TRIQK: variants seen among roughly 807,000 people sequenced by gnomAD.
TRIQK encodes triple QxxK/R motif containing, also known as triple QxxK/R motif-containing protein.
A neutral mutation model predicts 10.8 loss-of-function variants in TRIQK; 10 were observed. The observed-to-expected ratio is 0.92, with a 90% CI of 0.57 to 1.57. The LOEUF (loss-of-function observed/expected upper bound fraction) is 1.57, where lower values mean the gene tolerates loss of function less well. Ranked by LOEUF, TRIQK falls within the 40% of genes most tolerant of loss-of-function variation. The probability of loss-of-function intolerance (pLI) is 0.00; values close to 1 mark genes in which losing one functional copy is unlikely to be tolerated. For missense variants in TRIQK, 107 were observed against 97.7 expected (o/e 1.09, Z -0.40); for synonymous variants, 33 against 33.7 (o/e 0.98, Z 0.07).
intron 1 of TRIQK, among the ~76,000 whole-genome samples, chr8:92,982,160 T>TAAAA (rs1812993242): frequency 6.6e-6 from 1 of 151,818 alleles, no homozygotes; most frequent in Non-Finnish European, 1.5e-5. Context: ...AATTATTAAT[T>TAAAA]TTGTAAATTG....
intron 1 of TRIQK, chr8:92,964,845 G>A (rs1418084346): frequency 1.3e-5 from 2 of 152,086 alleles, no homozygotes; most frequent in Non-Finnish European, 2.9e-5. Flanking sequence ...AACAATTATT[G>A]CCCAAGGACA....
At chr8:92,918,724 G>T (rs1192441210) in intron 2 of TRIQK, among the ~76,000 whole-genome samples, 1 of 151,590 alleles carries the variant, frequency 6.6e-6, no homozygotes, top group Non-Finnish European at 1.5e-5. Flanking sequence ...CTAGCTTGAT[G>T]TAATCCTATG....
chr8:92,922,285 A>G (rs981155110), intron 2 of TRIQK: 2 of 151,974 alleles, frequency 1.3e-5, no homozygotes, highest in Non-Finnish European at 1.5e-5. Context: ...TCCTATTTGC[A>G]TAGTATTTTG....
In TRIQK at chr8:93,002,575, A is replaced by G. The variant is rs944666849; in HGVS notation, c.-181+15034T>C. ...AATTATGAAAAAGTAGAAAATCTGA[A>G]CAGACCAATAATGAATGAAGAAATT... On this transcript the variant is annotated intron_variant, in intron 1 of 4. Transcript: ENST00000520686. Among the ~76,000 whole-genome samples, 4 of 152,184 alleles carry G rather than the reference A, an allele frequency of 2.6e-5. No homozygotes were observed. The East Asian group carries it at 5.8e-4, about 22-fold the overall frequency.
rs1286216714 is a variant in TRIQK, at chr8:92,883,552, A to G, written c.*3070T>C. The stretch of plus-strand genomic sequence containing the variant: ...GAGTTGATTGATATTGTGATTTTTA[A>G]GTTTTATTGATTAAATTCAAACTTT... On this transcript the variant is annotated 3_prime_UTR_variant, in exon 5 of 5. Transcript: ENST00000521988. 1 of 151,728 alleles carries G rather than the reference A, an allele frequency of 6.6e-6. No individual in the cohort carries two copies. Among genetic ancestry groups the G allele is most frequent in the East Asian group, 1.9e-4 (1 of 5,148 alleles). The allele number at this position is 151,728 out of a possible 1,614,324, so 9.4% of individuals were successfully genotyped here.
chr8:92,930,249 T>A (rs1810643677), intron 2 of TRIQK, among the ~76,000 whole-genome samples: 2 of 149,906 alleles, frequency 1.3e-5, no homozygotes, highest in Non-Finnish European at 1.5e-5. Flanking sequence ...AATTAACTGG[T>A]CTTGGTGGTG....
intron 2 of TRIQK, among the ~76,000 whole-genome samples, chr8:92,924,832 T>C (rs1267684024): frequency 1.3e-5 from 2 of 152,064 alleles, no homozygotes; most frequent in Non-Finnish European, 2.9e-5. Flanking sequence ...GTTATTACAC[T>C]GAGGAACAAA....
chr8:92,894,656 T>C (rs940162031), intron 3 of TRIQK, among the ~76,000 whole-genome samples: 17 of 152,132 alleles, frequency 1.1e-4, no homozygotes, highest in African/African-American at 3.4e-4. Flanking sequence ...ATGTCTGAGC[T>C]TCCTTAGGAA....
At chr8:92,972,608 G>A (rs2130738266) in intron 1 of TRIQK, 1 of 152,508 alleles carries the variant, frequency 6.6e-6, no homozygotes, top group African/African-American at 2.4e-5. Context: ...CATTTGGCAT[G>A]TCCCCATCCA....
chr8:92,907,821 C>T (rs1032372366), intron 3 of TRIQK, among the ~76,000 whole-genome samples: 5 of 151,960 alleles, frequency 3.3e-5, no homozygotes, highest in African/African-American at 9.7e-5. Flanking sequence ...AAAAAACACA[C>T]ATTTATGTAC....
At chr8:92,914,494 G>T (rs1374798984) in intron 3 of TRIQK, among the ~76,000 whole-genome samples, 1 of 152,080 alleles carries the variant, frequency 6.6e-6, no homozygotes, top group Admixed American at 6.5e-5. Context: ...TTGAGAAACA[G>T]TTAAGTCAAA....
At chr8:92,999,943 TACTC>T (rs1038665488) in intron 1 of TRIQK, among the ~76,000 whole-genome samples, 1 of 152,186 alleles carries the variant, frequency 6.6e-6, no homozygotes, top group African/African-American at 2.4e-5. Context: ...GTTAAAAACT[TACTC>T]AAATACCCTC....
In TRIQK at chr8:92,942,739, T is replaced by C. The variant is rs376489612; in HGVS notation, c.-22+11667A>G. Reference sequence around the variant, plus strand: ...AGACAGAGTATAGCTCTGTTGCCCATGCTGGAGTTCAGTGGCAAAATCTTG... The same window carrying C: ...AGACAGAGTATAGCTCTGTTGCCCACGCTGGAGTTCAGTGGCAAAATCTTG... On this transcript the variant is annotated intron_variant, in intron 2 of 4. Coordinates refer to ENST00000521988, the MANE Select transcript of TRIQK (RefSeq NM_001171797.2). 2.0e-4 allele frequency among the ~76,000 whole-genome samples: 31 copies of C among 152,254 alleles called. No homozygotes were observed. In the East Asian group the frequency reaches 4.7e-3, roughly 23 times the overall value.
At chr8:93,010,711 G>A (rs111347980) in intron 1 of TRIQK, among the ~76,000 whole-genome samples, 2 of 151,964 alleles carry the variant, frequency 1.3e-5, no homozygotes, top group African/African-American at 4.8e-5. Context: ...GAGTAATATA[G>A]ATTAATACTA....
intron 1 of TRIQK, among the ~76,000 whole-genome samples, chr8:93,004,372 G>T (rs1220651232): frequency 6.6e-6 from 1 of 152,200 alleles, no homozygotes; most frequent in East Asian, 1.9e-4. Context: ...ATCTGGAGTG[G>T]CTGGGACACA....
chr8:92,951,145 CTGAG>C (rs1303056976), intron 2 of TRIQK, among the ~76,000 whole-genome samples: 1 of 149,426 alleles, frequency 6.7e-6, no homozygotes, highest in African/African-American at 2.5e-5. Context: ...TTTTTTTATC[CTGAG>C]TATTTTTGAT....
In TRIQK at chr8:92,918,264, G is replaced by T. The variant is rs184840818; in HGVS notation, c.-21-1254C>A. On this transcript the variant is annotated intron_variant, in intron 2 of 4. Coordinates refer to ENST00000521988, the MANE Select transcript of TRIQK (RefSeq NM_001171797.2). ...AGGAGTAGGATATCTGGATCATATG[G>T]TAGTTCTATTTTTAGTTTATTGAGG... Among the ~76,000 whole-genome samples, 397 of 152,010 alleles carry T rather than the reference G, an allele frequency of 2.6e-3. 6 individuals carry two copies. The highest frequency in any genetic ancestry group is 9.2e-3 in the African/African-American group (383 of 41,506).
intron 1 of TRIQK, among the ~76,000 whole-genome samples, chr8:92,992,277 G>A (rs1268647968): frequency 6.6e-6 from 1 of 152,170 alleles, no homozygotes; most frequent in African/African-American, 2.4e-5. Flanking sequence ...TGAAGGAGGA[G>A]GAAGAGCAAA....
At chr8:92,947,958 T>C (rs1381207345) in intron 2 of TRIQK, among the ~76,000 whole-genome samples, 3 of 152,174 alleles carry the variant, frequency 2.0e-5, no homozygotes, top group South Asian at 2.1e-4. Flanking sequence ...ATTACAATGA[T>C]AGGATTCTGA....
Sources: allele counts gnomAD v4.1 joint callset (sites outside exome capture counted in the v4.1 genomes callset), GRCh38; gene constraint gnomAD v4.1.1; transcripts MANE v1.5; gene names NCBI Gene and HGNC (gene_info 2026-07-23, HGNC 2026-07-21).